PDZRN3: variants seen among roughly 807,000 people sequenced by gnomAD.
The protein encoded by PDZRN3 is PDZ domain containing ring finger 3, also known as E3 ubiquitin-protein ligase PDZRN3.
Under a neutral mutation model 85.7 loss-of-function variants are expected in PDZRN3, and 38 were observed. The ratio of observed to expected loss-of-function variants is 0.44; its 90% CI spans 0.34 to 0.58. PDZRN3 has a LOEUF of 0.58. Among genes scored for constraint, PDZRN3 ranks in the 20% least tolerant of loss-of-function variants. PDZRN3 has a pLI of 0.01. For missense variants in PDZRN3, 1,629 were observed against 1,506.4 expected, an observed-to-expected ratio of 1.08 and a Z score of -1.35; for synonymous variants, 759 against 638.0, an observed-to-expected ratio of 1.19 and a Z score of -2.86.
intron 3 of PDZRN3, among the ~76,000 whole-genome samples, chr3:73,486,251 G>A (rs2106646346): frequency 1.3e-5 from 2 of 152,264 alleles, no homozygotes; most frequent in South Asian, 4.1e-4. Context: ...ACTCTGATGG[G>A]CAATAACTCC....
intron 4 of PDZRN3, 29 bp from the exon 5 acceptor site, chr3:73,401,038 C>T: frequency 6.7e-7 from 1 of 1,502,394 alleles, no homozygotes; most frequent in Non-Finnish European, 9.3e-7. Flanking sequence ...TCTTTACAGC[C>T]CTTCTTCCGT....
intron 3 of PDZRN3, among the ~76,000 whole-genome samples, chr3:73,436,431 T>C (rs574905806): frequency 3.2e-4 from 48 of 152,240 alleles, no homozygotes; most frequent in African/African-American, 1.1e-3. Context: ...GAAAACAAAG[T>C]GTGCTTGGGT....
chr3:73,569,077 A>G, intron 3 of PDZRN3: 1 of 877,974 alleles, frequency 1.1e-6, no homozygotes, highest in Non-Finnish European at 1.6e-6. Context: ...GGCCCAAAGT[A>G]TGTGCTGCAG....
chr3:73,487,354 A>G (rs945284278), intron 3 of PDZRN3, among the ~76,000 whole-genome samples: 37 of 152,210 alleles, frequency 2.4e-4, no homozygotes, highest in African/African-American at 8.2e-4. Context: ...TCTGGGGGGA[A>G]AAGCCACCAA....
At chr3:73,619,677 A>G (rs1441819879) in intron 1 of PDZRN3, among the ~76,000 whole-genome samples, 2 of 152,164 alleles carry the variant, frequency 1.3e-5, no homozygotes, top group Non-Finnish European at 2.9e-5. Flanking sequence ...ACTCTCAGAG[A>G]CATGAGAAGC....
rs142876920 is a variant in PDZRN3 at position 73,597,787 on chromosome 3, G to A, written c.918+4567C>T. ...GAAGAGAGAAATAATATATTGAACA[G>A]CACATGCCTCAAAGTGAATTTGCTG... On this transcript the variant is annotated intron_variant, in intron 3 of 9. Coordinates refer to ENST00000263666, the MANE Select transcript of PDZRN3 (RefSeq NM_015009.3). Among the ~76,000 whole-genome samples the A allele has an allele frequency of 3.7e-3, 563 of 150,636 alleles. 6 individuals are homozygous for A. Among genetic ancestry groups the A allele is most frequent in the African/African-American group, 0.013 (533 of 40,978 alleles).
intron 3 of PDZRN3, among the ~76,000 whole-genome samples, chr3:73,583,223 AG>A (rs1702226367): frequency 6.6e-6 from 1 of 152,236 alleles, no homozygotes; most frequent in Non-Finnish European, 1.5e-5. Context: ...AGAAAATTTA[AG>A]GAACTAGCCC....
At chr3:73,530,681 A>G (rs915055060) in intron 3 of PDZRN3, among the ~76,000 whole-genome samples, 1 of 152,212 alleles carries the variant, frequency 6.6e-6, no homozygotes, top group Admixed American at 6.5e-5. Flanking sequence ...TTTAAACCAG[A>G]AATTTTGGAT....
At chr3:73,520,458 C>T in intron 3 of PDZRN3, among the ~76,000 whole-genome samples, 1 of 151,650 alleles carries the variant, frequency 6.6e-6, no homozygotes, top group East Asian at 1.9e-4. Context: ...GAGCCGAGAT[C>T]CCACCACTGC....
At chr3:73,524,610 T>C (rs1017637330) in intron 3 of PDZRN3, among the ~76,000 whole-genome samples, 3 of 152,216 alleles carry the variant, frequency 2.0e-5, no homozygotes, top group Non-Finnish European at 4.4e-5. Context: ...GCTGCTTTGA[T>C]GTGAGATCAA....
intron 3 of PDZRN3, among the ~76,000 whole-genome samples, chr3:73,434,427 C>T (rs1702492279): frequency 6.6e-6 from 1 of 152,032 alleles, no homozygotes; most frequent in South Asian, 2.1e-4. Flanking sequence ...GAAAATACTC[C>T]ACATATGAAT....
At chr3:73,418,783 C>T (rs1404025212) in intron 3 of PDZRN3, among the ~76,000 whole-genome samples, 5 of 152,168 alleles carry the variant, frequency 3.3e-5, no homozygotes, top group Non-Finnish European at 7.3e-5. Flanking sequence ...CTCCCTGACT[C>T]CCAGGTCCAA....
intron 3 of PDZRN3, chr3:73,474,716 T>C: frequency 1.4e-6 from 1 of 739,216 alleles, no homozygotes; most frequent in Non-Finnish European, 1.8e-6. Flanking sequence ...GCCCCATCCA[T>C]TTCAGGCCCT....
intron 3 of PDZRN3, among the ~76,000 whole-genome samples, chr3:73,523,474 TTAATA>T (rs1191117606): frequency 6.6e-6 from 1 of 152,078 alleles, no homozygotes; most frequent in East Asian, 1.9e-4. Flanking sequence ...TATGTACACA[TTAATA>T]TATGTACATA....
chr3:73,391,039 G>T lies in PDZRN3; in HGVS notation c.1332C>A (p.Asp444Glu). ...GTACCTCACTGATATAAATCCCAAT[G>T]TCGTCTTCATCGTCCGTCCGGTAGC... ...TVCYRTDDED[D>E]IGIYISEIDP... The change falls in exon 6 of 10, where the codon GAC becomes GAA. Residue 444 changes from aspartate (D) to glutamate (E), a missense_variant. Physicochemically the swap from Asp to Glu is conservative, Grantham distance 45. Transcript: ENST00000263666. The T allele has an allele frequency of 4.3e-6, 7 of 1,612,704 alleles. No homozygotes were observed. The highest frequency in any genetic ancestry group is 5.9e-6 in the Non-Finnish European group (7 of 1,178,832).
chr3:73,489,013 G>A (rs991459053), intron 3 of PDZRN3, among the ~76,000 whole-genome samples: 1 of 152,196 alleles, frequency 6.6e-6, no homozygotes, highest in Non-Finnish European at 1.5e-5. Context: ...CACATTGGTT[G>A]CCATATCTTT....
At chr3:73,406,320 C>G (rs185991882) in intron 3 of PDZRN3, among the ~76,000 whole-genome samples, 1 of 152,182 alleles carries the variant, frequency 6.6e-6, no homozygotes, top group Non-Finnish European at 1.5e-5. Flanking sequence ...CCTGCTTAGA[C>G]CCTAGAATGC....
rs1229607287 is a variant in PDZRN3, at chr3:73,389,436, A to C, written c.1416+380T>G. ...CTCTGAAATGCTTGGTCCAAAGTTA[A>C]TCTTTCAGAGAAATCTAAAACGAGA... On this transcript the variant is annotated intron_variant, in intron 7 of 9. Transcript: ENST00000263666. Among the ~76,000 whole-genome samples, 11 of 152,212 alleles carry C rather than the reference A, an allele frequency of 7.2e-5. No individual in the cohort carries two copies. The East Asian group carries it at 1.7e-3, about 24-fold the overall frequency.
chr3:73,580,955 C>T (rs1015458568), intron 3 of PDZRN3, among the ~76,000 whole-genome samples: 5 of 152,164 alleles, frequency 3.3e-5, no homozygotes, highest in Non-Finnish European at 7.3e-5. Flanking sequence ...TTGCTGTATC[C>T]GGTTAACAAC....
Sources: allele counts gnomAD v4.1 joint callset (sites outside exome capture counted in the v4.1 genomes callset), GRCh38; gene constraint gnomAD v4.1.1; transcripts MANE v1.5; gene names NCBI Gene and HGNC (gene_info 2026-07-23, HGNC 2026-07-21).